Variants in CNOT6L observed in about 807,000 individuals in gnomAD.
The protein encoded by CNOT6L is CCR4-NOT transcription complex subunit 6-like.
Under a neutral mutation model 64.0 loss-of-function variants are expected in CNOT6L, and 7 were observed. The ratio of observed to expected loss-of-function variants is 0.11; its 90% CI spans 0.06 to 0.21. The LOEUF is 0.21. CNOT6L is among the 10% of genes least tolerant of loss of function. The probability of loss-of-function intolerance (pLI) is 1.00; values close to 1 mark genes in which losing one functional copy is unlikely to be tolerated. For synonymous variants in CNOT6L, 193 were observed against 243.4 expected, an observed-to-expected ratio of 0.79 and a Z score of 1.93; for missense variants, 245 against 669.0, an observed-to-expected ratio of 0.37 and a Z score of 6.99.
At chr4:77,807,504 T>C (rs1341697989) in intron 1 of CNOT6L, among the ~76,000 whole-genome samples, 1 of 152,012 alleles carries the variant, frequency 6.6e-6, no homozygotes, top group Non-Finnish European at 1.5e-5. Context: ...AAAAAGTTCA[T>C]AAAGCAAGGA....
chr4:77,761,311 G>A (rs1726200523), intron 4 of CNOT6L, among the ~76,000 whole-genome samples: 1 of 152,070 alleles, frequency 6.6e-6, no homozygotes, highest in Admixed American at 6.5e-5. Flanking sequence ...AATGACTGCA[G>A]GAGAAAGCTG....
At chr4:77,760,799 C>T (rs947494972) in intron 4 of CNOT6L, among the ~76,000 whole-genome samples, 2 of 148,684 alleles carry the variant, frequency 1.3e-5, no homozygotes, top group Non-Finnish European at 3.0e-5. Context: ...CAGGTTCACG[C>T]CATTCTCCTG....
chr4:77,720,180 C>T lies in CNOT6L; in HGVS notation c.*251G>A. 2.8e-6 allele frequency: 1 copy of T among 357,264 alleles called. No homozygotes were observed. Among genetic ancestry groups the T allele is most frequent in the Non-Finnish European group, 5.1e-6 (1 of 196,408 alleles). The allele number at this position is 357,264 out of a possible 1,614,324, so 22.1% of individuals were successfully genotyped here. A position where few individuals can be genotyped will look rare whatever the true frequency, so the allele number is the denominator to read the frequency against. On this transcript the variant is annotated 3_prime_UTR_variant, in exon 12 of 12. Transcript: ENST00000504123. ...CAATTTTGAATGCTGGCTGTTAATA[C>T]AATATAAAGAAGGTCCAATTTAAAA...
chr4:77,785,326 G>T (rs1405884759), intron 1 of CNOT6L, among the ~76,000 whole-genome samples: 1 of 151,992 alleles, frequency 6.6e-6, no homozygotes, highest in Non-Finnish European at 1.5e-5. Flanking sequence ...AACATCAGAA[G>T]AAAACATCAG....
intron 1 of CNOT6L, among the ~76,000 whole-genome samples, chr4:77,778,417 A>C (rs2110071857): frequency 1.4e-5 from 2 of 139,342 alleles, no homozygotes; most frequent in Middle Eastern, 7.9e-3. Context: ...TTTTTTTTTG[A>C]GACGGAGTTT....
intron 1 of CNOT6L, among the ~76,000 whole-genome samples, chr4:77,805,373 G>C (rs921268373): frequency 1.4e-4 from 21 of 152,118 alleles, no homozygotes; most frequent in African/African-American, 4.6e-4. Flanking sequence ...GCTAGTACAA[G>C]CAAAGGTAAT....
chr4:77,766,985 C>G (rs546129995), intron 4 of CNOT6L, among the ~76,000 whole-genome samples: 11 of 148,928 alleles, frequency 7.4e-5, no homozygotes, highest in African/African-American at 2.5e-4. Context: ...ATCGTTTGAA[C>G]CCGGGAGGCA....
At position 77,814,332 on chromosome 4, in the gene CNOT6L, C is replaced by T. The variant is rs555283891; in HGVS notation, c.5+4972G>A. On this transcript the variant is annotated intron_variant, in intron 1 of 11. Transcript: ENST00000504123. ...ACAATTGTTAATATACTAAAAACTA[C>T]TGAGTTGTACAATTTAAATGGATAC... Among the ~76,000 whole-genome samples, 3 of 152,224 alleles carry T rather than the reference C, an allele frequency of 2.0e-5. No individual in the cohort carries two copies. The South Asian group carries it at 6.2e-4, about 32-fold the overall frequency.
intron 4 of CNOT6L, among the ~76,000 whole-genome samples, chr4:77,763,103 T>C (rs1235023328): frequency 6.6e-6 from 1 of 151,992 alleles, no homozygotes; most frequent in African/African-American, 2.4e-5. Flanking sequence ...AACCTACTTT[T>C]AGAAAAGCGA....
rs575287954 is a variant in CNOT6L at position 77,716,677 on chromosome 4, A to G, written c.*3754T>C. 2.6e-5 allele frequency: 4 copies of G among 152,696 alleles called. No individual in the cohort carries two copies. In the East Asian group the frequency reaches 7.7e-4, roughly 29 times the overall value. 9.5% of individuals were successfully genotyped at this position (152,696 alleles called of 1,614,324 possible). A position where few individuals can be genotyped will look rare whatever the true frequency, so the allele number is the denominator to read the frequency against. ...GAATCAAGTGATATGAGCCTTAGAT[A>G]TCTTTCAACTTTCTCCCTTGCTTCT... is the stretch of plus-strand genomic sequence containing the variant. On this transcript the variant is annotated 3_prime_UTR_variant, in exon 12 of 12. Transcript: ENST00000504123.
At position 77,722,197 on chromosome 4, in the gene CNOT6L, A is replaced by C. The variant is rs187352887; in HGVS notation, c.1456-1554T>G. Reference sequence around the variant, plus strand: ...GTAGTTTTACTTCTCCTTATGAGACAACTTTTTGCTTCAATTCTAAAATAA... The same window carrying C: ...GTAGTTTTACTTCTCCTTATGAGACCACTTTTTGCTTCAATTCTAAAATAA... On this transcript the variant is annotated intron_variant, in intron 11 of 11. Transcript: ENST00000504123. Among the ~76,000 whole-genome samples, 3 of 152,310 alleles carry C rather than the reference A, an allele frequency of 2.0e-5. No homozygotes were observed. The East Asian group carries it at 5.8e-4, about 29-fold the overall frequency.
intron 1 of CNOT6L, among the ~76,000 whole-genome samples, chr4:77,807,214 G>A (rs1440814794): frequency 6.8e-6 from 1 of 146,938 alleles, no homozygotes; most frequent in African/African-American, 2.5e-5. Context: ...GGAGTCAGAG[G>A]TTGCAGTGAG....
intron 1 of CNOT6L, among the ~76,000 whole-genome samples, chr4:77,810,240 G>T (rs994354092): frequency 1.3e-5 from 2 of 151,968 alleles, no homozygotes. Flanking sequence ...GTGGATGCAT[G>T]GGAACACAAT....
Position 77,713,626 on chromosome 4 carries a change from T to C in CNOT6L, c.*6805A>G, listed in dbSNP as rs569336318. The C allele has an allele frequency of 6.6e-6, 1 of 152,668 alleles. No individual in the cohort carries two copies. Among genetic ancestry groups the C allele is most frequent in the South Asian group, 2.1e-4 (1 of 4,814 alleles). 9.5% of individuals were successfully genotyped at this position (152,668 alleles called of 1,614,324 possible). A position where few individuals can be genotyped will look rare whatever the true frequency, so the allele number is the denominator to read the frequency against. On this transcript the variant is annotated 3_prime_UTR_variant, in exon 12 of 12. Transcript: ENST00000504123. The stretch of plus-strand genomic sequence containing the variant: ...GGCAGGACTGCTTTTTTTTAGTCAA[T>C]GTTCACATTAATGAAAAAATACTAC...
At chr4:77,735,621 C>T (rs1484515805) in intron 8 of CNOT6L, among the ~76,000 whole-genome samples, 1 of 152,158 alleles carries the variant, frequency 6.6e-6, no homozygotes, top group Non-Finnish European at 1.5e-5. Flanking sequence ...TCTTGGTTTG[C>T]CATTCTCCTC....
At chr4:77,819,588 A>C, upstream of CNOT6L, 4 of 186,012 alleles carry the variant, frequency 2.2e-5, no homozygotes, top group Admixed American at 6.5e-5. Context: ...CCCCCTCCTC[A>C]CCTGCATTCA....
Position 77,790,796 on chromosome 4 carries a change from C to CCA in CNOT6L, c.6-14406_6-14405dup, listed in dbSNP as rs1459753300. Among the ~76,000 whole-genome samples, 14 of 151,376 alleles carry CCA rather than the reference C, an allele frequency of 9.2e-5. No homozygotes were observed. The East Asian group carries it at 2.6e-3, about 28-fold the overall frequency. ...CCCAAGTAGCCAGAATTACAGGTGCCCACCACTGCGCCTGGCTGATTTTTT... is the reference window on the plus strand; with the variant it reads ...CCCAAGTAGCCAGAATTACAGGTGCCCACACCACTGCGCCTGGCTGATTTTTT... On this transcript the variant is annotated intron_variant, in intron 1 of 11. Transcript: ENST00000504123.
intron 1 of CNOT6L, among the ~76,000 whole-genome samples, chr4:77,784,838 T>C (rs975890091): frequency 7.9e-5 from 12 of 152,154 alleles, no homozygotes; most frequent in Non-Finnish European, 1.6e-4. Flanking sequence ...GATACGTACA[T>C]TTTCATCTTT....
intron 1 of CNOT6L, among the ~76,000 whole-genome samples, chr4:77,796,033 T>C (rs772291699): frequency 2.0e-5 from 3 of 152,034 alleles, no homozygotes; most frequent in Admixed American, 2.0e-4. Context: ...ATTCAGGGAG[T>C]ACACATGCAG....
Sources: gnomAD v4.1 joint callset for allele counts (sites outside exome capture counted in the v4.1 genomes callset) on GRCh38, gnomAD v4.1.1 for gene constraint, MANE v1.5 for transcripts, NCBI Gene and HGNC (gene_info 2026-07-23, HGNC 2026-07-21) for gene names.